The following LRP1B variants were observed in gnomAD, a reference collection of about 807,000 sequenced individuals.
LRP1B encodes LDL receptor related protein 1B.
A neutral mutation model predicts 556.6 loss-of-function variants in LRP1B; 217 were observed. That is an observed-to-expected ratio of 0.39 (90% CI 0.35 to 0.44). The LOEUF is 0.44. LRP1B is among the 20% of genes least tolerant of loss of function. The probability of loss-of-function intolerance (pLI) is 1.00; values close to 1 mark genes in which losing one functional copy is unlikely to be tolerated. For missense variants in LRP1B, 5,053 were observed against 5,620.8 expected (o/e 0.90, Z 3.23); for synonymous variants, 2,047 against 1,865.8 (o/e 1.10, Z -2.50).
chr2:141,836,155 T>G (rs1558907962), intron 1 of LRP1B, among the ~76,000 whole-genome samples: 2 of 151,930 alleles, frequency 1.3e-5, no homozygotes, highest in African/African-American at 4.8e-5. Flanking sequence ...TTTGGGAAAT[T>G]AGAATGTCTT....
chr2:140,453,229 T>A (rs1686955161), intron 62 of LRP1B, among the ~76,000 whole-genome samples: 1 of 151,924 alleles, frequency 6.6e-6, no homozygotes, highest in African/African-American at 2.4e-5. Context: ...GAATTATATA[T>A]GATATAATGA....
chr2:141,681,463 T>G (rs1409659891), intron 2 of LRP1B, among the ~76,000 whole-genome samples: 2 of 151,886 alleles, frequency 1.3e-5, no homozygotes, highest in African/African-American at 4.8e-5. Flanking sequence ...AAAAGTCAAT[T>G]TTCATAATTC....
chr2:140,660,759 T>G (rs528840744), intron 41 of LRP1B, among the ~76,000 whole-genome samples: 3 of 152,114 alleles, frequency 2.0e-5, no homozygotes, highest in Non-Finnish European at 2.9e-5. Flanking sequence ...TACACCAGAG[T>G]TAAATATTTG....
At chr2:141,128,392 T>C (rs934926984) in intron 7 of LRP1B, among the ~76,000 whole-genome samples, 1 of 152,146 alleles carries the variant, frequency 6.6e-6, no homozygotes, top group East Asian at 1.9e-4. Flanking sequence ...ATTTCTCTCC[T>C]CTGATTCATC....
At chr2:141,883,059 G>C (rs1699005850) in intron 1 of LRP1B, among the ~76,000 whole-genome samples, 2 of 152,052 alleles carry the variant, frequency 1.3e-5, no homozygotes, top group Admixed American at 6.6e-5. Context: ...CCAAAATAGT[G>C]TTATGGTCTG....
chr2:140,773,400 C>T (rs957954768), intron 33 of LRP1B, among the ~76,000 whole-genome samples: 20 of 152,086 alleles, frequency 1.3e-4, no homozygotes, highest in African/African-American at 3.6e-4. Context: ...ACCCAGGAGA[C>T]AGAAGTTGCA....
intron 51 of LRP1B, among the ~76,000 whole-genome samples, chr2:140,510,769 T>C (rs1689618255): frequency 6.6e-6 from 1 of 152,210 alleles, no homozygotes; most frequent in Non-Finnish European, 1.5e-5. Context: ...AATGTTTCTT[T>C]AGTTGCATGA....
chr2:140,715,491 C>G (rs1300544058), intron 37 of LRP1B, among the ~76,000 whole-genome samples: 1 of 151,682 alleles, frequency 6.6e-6, no homozygotes, highest in Non-Finnish European at 1.5e-5. Flanking sequence ...AATGTCAAAA[C>G]AGTTAGTTAT....
rs576737224 is a variant in LRP1B, at chr2:141,895,199, A to G, written c.83-84798T>C. On this transcript the variant is annotated intron_variant, in intron 1 of 90. Transcript: ENST00000389484. ...TTAGCAAGAAAATATAGGTCTTTGG[A>G]TATTATTTGGTAATAAAAATACCCT... is the stretch of plus-strand genomic sequence containing the variant. Among the ~76,000 whole-genome samples the G allele has an allele frequency of 2.0e-5, 3 of 152,296 alleles. No individual in the cohort carries two copies. In the South Asian group the frequency reaches 6.2e-4, roughly 32 times the overall value.
intron 3 of LRP1B, among the ~76,000 whole-genome samples, chr2:141,324,601 A>G (rs1687369239): frequency 6.6e-6 from 1 of 152,092 alleles, no homozygotes; most frequent in Non-Finnish European, 1.5e-5. Context: ...GTGCTCCTCA[A>G]TTACTTTTCA....
At chr2:140,934,376 T>C (rs763564155) in intron 20 of LRP1B, among the ~76,000 whole-genome samples, 1 of 152,112 alleles carries the variant, frequency 6.6e-6, no homozygotes, top group Admixed American at 6.6e-5. Flanking sequence ...ATGAGGATTA[T>C]AGAAAGACAG....
intron 35 of LRP1B, among the ~76,000 whole-genome samples, chr2:140,748,793 T>A (rs7609224): frequency 6.3e-5 from 6 of 95,342 alleles, no homozygotes; most frequent in African/African-American, 8.8e-5. Context: ...TAATATATAT[T>A]ATATACATAT....
At chr2:141,533,208 C>T (rs759913301) in intron 2 of LRP1B, among the ~76,000 whole-genome samples, 19 of 151,992 alleles carry the variant, frequency 1.3e-4, no homozygotes, top group Non-Finnish European at 2.5e-4. Flanking sequence ...TCAATGAAAA[C>T]AAAATCCAAA....
chr2:140,629,239 T>C (rs1017267760), intron 41 of LRP1B, among the ~76,000 whole-genome samples: 104 of 150,820 alleles, frequency 6.9e-4, no homozygotes, highest in South Asian at 1.9e-3. Flanking sequence ...TTTTTTTTTT[T>C]GTATTTTTGG....
intron 41 of LRP1B, among the ~76,000 whole-genome samples, chr2:140,680,212 T>C (rs114180525): frequency 6.6e-6 from 1 of 152,162 alleles, no homozygotes; most frequent in African/African-American, 2.4e-5. Context: ...AATGAAACAC[T>C]CCTGCTGGTT....
intron 22 of LRP1B, among the ~76,000 whole-genome samples, chr2:140,903,615 G>A (rs1573862255): frequency 6.6e-6 from 1 of 151,934 alleles, no homozygotes; most frequent in Non-Finnish European, 1.5e-5. Flanking sequence ...ATACACATAT[G>A]TGAATATATG....
At chr2:141,131,815 A>C (rs985077342) in intron 7 of LRP1B, among the ~76,000 whole-genome samples, 2 of 152,046 alleles carry the variant, frequency 1.3e-5, no homozygotes, top group Admixed American at 1.3e-4. Flanking sequence ...GAATTCTCTC[A>C]TACTGTTGTC....
At chr2:140,457,872 G>GA (rs535709840) in intron 60 of LRP1B, among the ~76,000 whole-genome samples, 9 of 149,114 alleles carry the variant, frequency 6.0e-5, no homozygotes, top group African/African-American at 1.2e-4. Flanking sequence ...TCAACCACTG[G>GA]AAAAAAAAAT....
At chr2:141,961,146 G>A (rs1019337349) in intron 1 of LRP1B, among the ~76,000 whole-genome samples, 1 of 151,460 alleles carries the variant, frequency 6.6e-6, no homozygotes, top group Admixed American at 6.6e-5. Context: ...CCAACCGAGA[G>A]GTAATTTGGC....
Sources: allele counts gnomAD v4.1 joint callset (sites outside exome capture counted in the v4.1 genomes callset), GRCh38; gene constraint gnomAD v4.1.1; transcripts MANE v1.5; gene names NCBI Gene and HGNC (gene_info 2026-07-23, HGNC 2026-07-21).